Variants in UXS1 observed in about 807,000 individuals in gnomAD.
The protein encoded by UXS1 is UDP-glucuronate decarboxylase 1.
A neutral mutation model predicts 62.6 loss-of-function variants in UXS1; 33 were observed. The ratio of observed to expected loss-of-function variants is 0.53; its 90% confidence interval spans 0.40 to 0.70. The LOEUF (loss-of-function observed/expected upper bound fraction) is 0.70, where lower values mean the gene tolerates loss of function less well. Ranked by LOEUF, UXS1 falls within the 30% of genes least tolerant of loss-of-function variation. The pLI, the probability that UXS1 is intolerant of heterozygous loss-of-function variation, is 0.00. For synonymous variants in UXS1, 213 were observed against 206.8 expected, an observed-to-expected ratio of 1.03 and a Z score of -0.26; for missense variants, 434 against 556.3, an observed-to-expected ratio of 0.78 and a Z score of 2.21.
chr2:106,169,875 C>T (rs1389030311), intron 1 of UXS1, among the ~76,000 whole-genome samples: 1 of 152,046 alleles, frequency 6.6e-6, no homozygotes, highest in Non-Finnish European at 1.5e-5. Context: ...AGGTGACGCC[C>T]ATGCTTCCCA....
chr2:106,118,222 CTTTT>C (rs5833170), intron 9 of UXS1, among the ~76,000 whole-genome samples: 9 of 146,002 alleles, frequency 6.2e-5, no homozygotes, highest in Non-Finnish European at 1.1e-4. Flanking sequence ...TGGCTGCTTA[CTTTT>C]TTTTTTTTTT....
intron 2 of UXS1, among the ~76,000 whole-genome samples, chr2:106,165,821 G>GA (rs897039514): frequency 2.0e-5 from 3 of 151,724 alleles, no homozygotes; most frequent in Non-Finnish European, 4.4e-5. Context: ...AGGGAAGCGG[G>GA]GGTGGCCGAC....
rs756488276 is a variant in UXS1, at chr2:106,093,979, T to C, written c.*47A>G. ...ACAACAAAAAAAAGCCAAAAATACA[T>C]CCCATCAAGTGTACAATGGTAGTCT... On this transcript the variant is annotated 3_prime_UTR_variant, in exon 15 of 15. Coordinates refer to ENST00000283148, the MANE Select transcript of UXS1 (RefSeq NM_001253875.2). 2 of 1,506,502 alleles carry C rather than the reference T, an allele frequency of 1.3e-6. No homozygotes were observed. The highest frequency in any genetic ancestry group is 1.8e-6 in the Non-Finnish European group (2 of 1,133,340). 93.3% of individuals were successfully genotyped at this position (1,506,502 alleles called of 1,614,324 possible). A position where few individuals can be genotyped will look rare whatever the true frequency, so the allele number is the denominator to read the frequency against.
rs751233821 is a variant in UXS1 at position 106,101,048 on chromosome 2, G to A, written c.984+10C>T. The A allele has an allele frequency of 9.9e-6, 16 of 1,613,730 alleles. No homozygotes were observed. The highest frequency in any genetic ancestry group is 1.6e-4 in the Middle Eastern group (1 of 6,084). The stretch of plus-strand genomic sequence containing the variant: ...GCTGTCCTGCAGAGTGGAGGGAGAG[G>A]AGCACTCACCAGGTTGACCGGGCTG... On this transcript the variant is annotated intron_variant, in intron 12 of 14. Transcript: ENST00000283148.
At chr2:106,151,313 G>A (rs1681997921) in intron 5 of UXS1, among the ~76,000 whole-genome samples, 2 of 152,196 alleles carry the variant, frequency 1.3e-5, no homozygotes, top group African/African-American at 4.8e-5. Context: ...GGGTTTGAAT[G>A]TGTACCCCCA....
intron 7 of UXS1, among the ~76,000 whole-genome samples, chr2:106,127,700 C>A (rs1212491502): frequency 6.6e-6 from 1 of 152,130 alleles, no homozygotes; most frequent in Non-Finnish European, 1.5e-5. Flanking sequence ...GTCTCAAGTG[C>A]AAGATGGCTA....
chr2:106,181,259 G>A (rs1322355418), intron 1 of UXS1, among the ~76,000 whole-genome samples: 4 of 152,118 alleles, frequency 2.6e-5, no homozygotes, highest in Non-Finnish European at 4.4e-5. Context: ...TGCCAATCAC[G>A]TCCCTGGCTC....
chr2:106,156,143 CT>C (rs1241363363), intron 5 of UXS1, among the ~76,000 whole-genome samples: 2 of 151,894 alleles, frequency 1.3e-5, no homozygotes, highest in Non-Finnish European at 2.9e-5. Flanking sequence ...AATAATATAC[CT>C]GATAAGAAAC....
chr2:106,180,151 G>A (rs930843501), intron 1 of UXS1, among the ~76,000 whole-genome samples: 1 of 152,120 alleles, frequency 6.6e-6, no homozygotes, highest in African/African-American at 2.4e-5. Context: ...AAAAAGCAAA[G>A]CACAGAAAAA....
Position 106,094,100 on chromosome 2 carries a change from A to C in UXS1, c.1204T>G (p.Tyr402Asp), listed in dbSNP as rs1188909212. The C allele has an allele frequency of 3.7e-6, 6 of 1,612,930 alleles. No homozygotes were observed. The highest frequency in any genetic ancestry group is 4.2e-6 in the Non-Finnish European group (5 of 1,179,614). Residue 402 changes from tyrosine to aspartate, a missense_variant, in exon 15 of 15, where the codon TAC becomes GAC. Physicochemically the swap from Tyr to Asp is radical, Grantham distance 160. Transcript: ENST00000283148. ...GGGATGTACTGATTATTTGCCTGGT[A>C]CTCGAGTTCTTTACGGAAGTAGTGA... ...AIHYFRKELE[Y>D]QANNQYIPKP... is the part of the protein sequence containing the mutation.
intron 1 of UXS1, among the ~76,000 whole-genome samples, chr2:106,190,700 G>T (rs1021482456): frequency 7.2e-6 from 1 of 138,750 alleles, no homozygotes; most frequent in Non-Finnish European, 1.5e-5. Flanking sequence ...CCGAAATCAC[G>T]CCACTGCACT....
At position 106,143,204 on chromosome 2, in the gene UXS1, G is replaced by C. The variant is rs542749936; in HGVS notation, c.472+1986C>G. Among the ~76,000 whole-genome samples the C allele has an allele frequency of 2.0e-3, 305 of 150,908 alleles. 4 individuals are homozygous for C. Among genetic ancestry groups the C allele is most frequent in the Middle Eastern group, 6.8e-3 (2 of 294 alleles). ...TGGGCGGATCATGAGGGCAGGAGAT[G>C]GAGACCATCCTGGCTAACAGGGTGA... On this transcript the variant is annotated intron_variant, in intron 6 of 14. Transcript: ENST00000283148.
intron 10 of UXS1, among the ~76,000 whole-genome samples, chr2:106,111,427 ACAATGCAGTTG>A (rs1678599400): frequency 6.6e-6 from 1 of 152,224 alleles, no homozygotes; most frequent in African/African-American, 2.4e-5. Flanking sequence ...ACTCAGCTAT[ACAATGCAGTTG>A]CCCTTGGAGA....
chr2:106,174,650 C>G (rs1029401930), intron 1 of UXS1, among the ~76,000 whole-genome samples: 2 of 152,224 alleles, frequency 1.3e-5, no homozygotes, highest in African/African-American at 4.8e-5. Context: ...GAGGCCACAG[C>G]CCTGGGGAGG....
chr2:106,188,770 A>T (rs957641227), intron 1 of UXS1, among the ~76,000 whole-genome samples: 8 of 152,238 alleles, frequency 5.3e-5, no homozygotes, highest in Admixed American at 2.0e-4. Context: ...CCCCACTCTT[A>T]AACATGGGCA....
At chr2:106,192,673 T>C (rs780731620) in intron 1 of UXS1, among the ~76,000 whole-genome samples, 1 of 152,146 alleles carries the variant, frequency 6.6e-6, no homozygotes, top group Non-Finnish European at 1.5e-5. Context: ...TTCGAAGACC[T>C]GGGTTCTAGC....
At chr2:106,172,178 G>A (rs918534932) in intron 1 of UXS1, among the ~76,000 whole-genome samples, 7 of 152,348 alleles carry the variant, frequency 4.6e-5, no homozygotes, top group African/African-American at 1.7e-4. Flanking sequence ...CCCCTGAGAG[G>A]GCGTGGAGAA....
At chr2:106,175,971 G>C (rs1159932411) in intron 1 of UXS1, among the ~76,000 whole-genome samples, 1 of 152,090 alleles carries the variant, frequency 6.6e-6, no homozygotes, top group Non-Finnish European at 1.5e-5. Flanking sequence ...ATGCTCATAC[G>C]CCCAGGTCAC....
intron 1 of UXS1, among the ~76,000 whole-genome samples, chr2:106,187,894 C>A (rs1424953181): frequency 6.6e-6 from 1 of 152,122 alleles, no homozygotes; most frequent in East Asian, 1.9e-4. Context: ...GCGCCCGCCA[C>A]CATGCCCAGC....
Sources: allele counts gnomAD v4.1 joint callset (sites outside exome capture counted in the v4.1 genomes callset), GRCh38; gene constraint gnomAD v4.1.1; transcripts MANE v1.5; gene names NCBI Gene and HGNC (gene_info 2026-07-23, HGNC 2026-07-21).